ST6GALNAC3: variants seen among roughly 807,000 people sequenced by gnomAD.
ST6GALNAC3 encodes alpha-N-acetylgalactosaminide alpha-2,6-sialyltransferase 3.
A neutral mutation model predicts 32.7 loss-of-function variants in ST6GALNAC3; 25 were observed. The observed-to-expected ratio is 0.76, with a 90% CI of 0.56 to 1.07. The LOEUF (loss-of-function observed/expected upper bound fraction) is 1.07, where lower values mean the gene tolerates loss of function less well. Among genes scored for constraint, ST6GALNAC3 ranks in the 50% least tolerant of loss-of-function variants. The pLI, the probability that ST6GALNAC3 is intolerant of heterozygous loss-of-function variation, is 0.00. For missense variants in ST6GALNAC3, 355 were observed against 382.4 expected (o/e 0.93, Z 0.60); for synonymous variants, 129 against 133.1 (o/e 0.97, Z 0.21).
intron 3 of ST6GALNAC3, among the ~76,000 whole-genome samples, chr1:76,625,545 A>C (rs1648916353): frequency 6.6e-6 from 1 of 151,908 alleles, no homozygotes; most frequent in African/African-American, 2.4e-5. Flanking sequence ...CATAGACAAA[A>C]TATTTAGATT....
At position 76,629,573 on chromosome 1, in the gene ST6GALNAC3, T is replaced by C. The variant is rs1289748363; in HGVS notation, c.*767T>C. 6 of 984,670 alleles carry C rather than the reference T, an allele frequency of 6.1e-6. No individual in the cohort carries two copies. Among genetic ancestry groups the C allele is most frequent in the Non-Finnish European group, 7.2e-6 (6 of 829,048 alleles). The allele number at this position is 984,670 out of a possible 1,614,324, so 61.0% of individuals were successfully genotyped here. On this transcript the variant is annotated 3_prime_UTR_variant, in exon 5 of 5. Coordinates refer to ENST00000328299, the MANE Select transcript of ST6GALNAC3 (RefSeq NM_152996.4). ...TATATTAATGTTTAGTTATTTTTGGTTGAGTGCTAAATATTTCAGAAGGCT... is the reference window on the plus strand; with the variant it reads ...TATATTAATGTTTAGTTATTTTTGGCTGAGTGCTAAATATTTCAGAAGGCT...
At chr1:76,461,932 G>C (rs1279430629) in intron 3 of ST6GALNAC3, among the ~76,000 whole-genome samples, 1 of 152,072 alleles carries the variant, frequency 6.6e-6, no homozygotes, top group Non-Finnish European at 1.5e-5. Flanking sequence ...CCACAGTTCT[G>C]AAAAAGCAAG....
intron 3 of ST6GALNAC3, among the ~76,000 whole-genome samples, chr1:76,486,584 C>T (rs1017016760): frequency 6.6e-6 from 1 of 151,986 alleles, no homozygotes; most frequent in Non-Finnish European, 1.5e-5. Context: ...CTTGATAGAT[C>T]TTCTGCCATC....
At chr1:76,603,349 T>C (rs575017271) in intron 3 of ST6GALNAC3, among the ~76,000 whole-genome samples, 3 of 152,284 alleles carry the variant, frequency 2.0e-5, no homozygotes, top group Admixed American at 2.0e-4. Flanking sequence ...GCTAAATAAA[T>C]TGTTATGAAT....
chr1:76,200,559 A>T (rs1654458438), intron 1 of ST6GALNAC3, among the ~76,000 whole-genome samples: 1 of 152,198 alleles, frequency 6.6e-6, no homozygotes, highest in Non-Finnish European at 1.5e-5. Flanking sequence ...TTCTGATTAG[A>T]TGGTGGCTAC....
intron 3 of ST6GALNAC3, among the ~76,000 whole-genome samples, chr1:76,518,143 A>G (rs1219017829): frequency 6.6e-6 from 1 of 152,044 alleles, no homozygotes; most frequent in Non-Finnish European, 1.5e-5. Context: ...TAAAATTTTA[A>G]TAAGTTGACC....
At chr1:76,557,249 T>A (rs1664982869) in intron 3 of ST6GALNAC3, among the ~76,000 whole-genome samples, 1 of 152,088 alleles carries the variant, frequency 6.6e-6, no homozygotes, top group Non-Finnish European at 1.5e-5. Context: ...ATTTCCTTCT[T>A]CCACTGCGTG....
At chr1:76,333,096 G>T (rs1446246470) in intron 2 of ST6GALNAC3, among the ~76,000 whole-genome samples, 1 of 152,134 alleles carries the variant, frequency 6.6e-6, no homozygotes, top group Admixed American at 6.5e-5. Context: ...CATGCAGGAA[G>T]AAGCATATCC....
chr1:76,610,389 T>A (rs1295224223), intron 3 of ST6GALNAC3, among the ~76,000 whole-genome samples: 1 of 152,166 alleles, frequency 6.6e-6, no homozygotes, highest in Non-Finnish European at 1.5e-5. Context: ...AAGCAATCAT[T>A]CCTTGCTCTT....
chr1:76,396,423 C>T (rs1213134302), intron 2 of ST6GALNAC3, among the ~76,000 whole-genome samples: 1 of 152,258 alleles, frequency 6.6e-6, no homozygotes, highest in East Asian at 1.9e-4. Context: ...CGAGATGGGG[C>T]CACTGCACTC....
rs200801107 is a variant in ST6GALNAC3, at chr1:76,542,613, CAATT to C, written c.624-84835_624-84832del. ...ACTGATGATGCTTGCTCTCTCTAGT[CAATT>C]AATATGATCCACCTCTCAGGGTAAT... On this transcript the variant is annotated intron_variant, in intron 3 of 4. Transcript: ENST00000328299. 5.1e-3 allele frequency among the ~76,000 whole-genome samples: 779 copies of C among 152,222 alleles called. 10 individuals carry two copies. Among genetic ancestry groups the C allele is most frequent in the Admixed American group, 0.034 (518 of 15,280 alleles).
intron 2 of ST6GALNAC3, among the ~76,000 whole-genome samples, chr1:76,341,694 T>TTTCCTTCC (rs1648049592): frequency 2.2e-5 from 3 of 138,118 alleles, no homozygotes; most frequent in Non-Finnish European, 3.2e-5. Context: ...TCTTTCTTTC[T>TTTCCTTCC]TTCTTTCTTT....
At chr1:76,452,518 T>C (rs1657483875) in intron 3 of ST6GALNAC3, among the ~76,000 whole-genome samples, 1 of 152,204 alleles carries the variant, frequency 6.6e-6, no homozygotes, top group Non-Finnish European at 1.5e-5. Flanking sequence ...ATGCTTTTTC[T>C]GCATCTATGG....
intron 3 of ST6GALNAC3, among the ~76,000 whole-genome samples, chr1:76,592,838 A>G (rs947384983): frequency 2.0e-5 from 3 of 152,216 alleles, no homozygotes; most frequent in African/African-American, 7.2e-5. Flanking sequence ...CTAGCATAGC[A>G]TTTGGGGACG....
chr1:76,482,008 A>G (rs1401240980), intron 3 of ST6GALNAC3, among the ~76,000 whole-genome samples: 1 of 152,168 alleles, frequency 6.6e-6, no homozygotes, highest in Non-Finnish European at 1.5e-5. Context: ...TCACATTTCA[A>G]AATCAAGCTG....
chr1:76,446,844 C>T (rs1036817192), intron 3 of ST6GALNAC3, among the ~76,000 whole-genome samples: 4 of 152,122 alleles, frequency 2.6e-5, no homozygotes, highest in African/African-American at 7.2e-5. Context: ...TCCCTAGCCA[C>T]GTGGAACTAT....
At chr1:76,584,696 C>T (rs553899315) in intron 3 of ST6GALNAC3, among the ~76,000 whole-genome samples, 5 of 152,312 alleles carry the variant, frequency 3.3e-5, no homozygotes, top group African/African-American at 1.2e-4. Context: ...ACTTCTGGCT[C>T]TCAATGGAAA....
intron 3 of ST6GALNAC3, among the ~76,000 whole-genome samples, chr1:76,465,195 T>C (rs1328474362): frequency 6.6e-6 from 1 of 152,186 alleles, no homozygotes; most frequent in African/African-American, 2.4e-5. Context: ...TGTCAGATAT[T>C]GAGTCATTCG....
Position 76,460,441 on chromosome 1 carries a change from T to C in ST6GALNAC3, c.623+48024T>C, listed in dbSNP as rs1156442839. 6.6e-5 allele frequency among the ~76,000 whole-genome samples: 10 copies of C among 152,206 alleles called. 1 individual carries two copies. Among genetic ancestry groups the C allele is most frequent in the Admixed American group, 5.2e-4 (8 of 15,270 alleles). On this transcript the variant is annotated intron_variant, in intron 3 of 4. Coordinates refer to ENST00000328299, the MANE Select transcript of ST6GALNAC3 (RefSeq NM_152996.4). ...AGTCTCAAGGATAAATTTTGCTAAA[T>C]TCTTTGTCCACTATTCACTAAGAGG... is the stretch of plus-strand genomic sequence containing the variant.
Sources: allele counts gnomAD v4.1 joint callset (sites outside exome capture counted in the v4.1 genomes callset), GRCh38; gene constraint gnomAD v4.1.1; transcripts MANE v1.5; gene names NCBI Gene and HGNC (gene_info 2026-07-23, HGNC 2026-07-21).